FHOD3: variants seen among roughly 807,000 people sequenced by gnomAD.
The protein encoded by FHOD3 is formin homology 2 domain containing 3.
In FHOD3, 90 loss-of-function variants were observed where a neutral mutation model predicts 173.0. That is an observed-to-expected ratio of 0.52 (90% CI 0.44 to 0.62). The LOEUF (loss-of-function observed/expected upper bound fraction) is 0.62, where lower values mean the gene tolerates loss of function less well. Ranked by LOEUF, FHOD3 falls within the 20% of genes least tolerant of loss-of-function variation. The probability of loss-of-function intolerance (pLI) is 0.00; values close to 1 mark genes in which losing one functional copy is unlikely to be tolerated. For synonymous variants in FHOD3, 828 were observed against 823.0 expected, an observed-to-expected ratio of 1.01 and a Z score of -0.10; for missense variants, 1,945 against 2,034.7, an observed-to-expected ratio of 0.96 and a Z score of 0.85.
At chr18:36,494,639 G>A (rs1234800098) in intron 3 of FHOD3, among the ~76,000 whole-genome samples, 2 of 152,170 alleles carry the variant, frequency 1.3e-5, no homozygotes, top group Non-Finnish European at 2.9e-5. Flanking sequence ...CTCCCCAGCT[G>A]CTGGAATCAG....
At chr18:36,620,399 G>A (rs1014324762) in intron 9 of FHOD3, among the ~76,000 whole-genome samples, 3 of 152,124 alleles carry the variant, frequency 2.0e-5, no homozygotes, top group African/African-American at 2.4e-5. Context: ...TTTCCCTAAG[G>A]CTCCTTGGCA....
chr18:36,728,759 G>A (rs1258996154), intron 19 of FHOD3, among the ~76,000 whole-genome samples: 2 of 152,238 alleles, frequency 1.3e-5, no homozygotes, highest in African/African-American at 2.4e-5. Context: ...CAGCAGAACA[G>A]TTTCTCTAGA....
chr18:36,325,170 A>T (rs2044605523), intron 1 of FHOD3, among the ~76,000 whole-genome samples: 1 of 151,488 alleles, frequency 6.6e-6, no homozygotes, highest in Non-Finnish European at 1.5e-5. Context: ...TTTGGAGAGG[A>T]GGGGGTTTTG....
chr18:36,512,368 T>C (rs2055703423), intron 4 of FHOD3, 70 bp from the exon 5 acceptor site: 2 of 1,168,850 alleles, frequency 1.7e-6, no homozygotes, highest in South Asian at 1.3e-5. Context: ...TACATAGTTT[T>C]AGCAGCACAG....
In FHOD3 at chr18:36,532,334, C is replaced by A. The variant is rs77276599; in HGVS notation, c.511+19791C>A. On this transcript the variant is annotated intron_variant, in intron 5 of 28. Coordinates refer to ENST00000590592, the MANE Select transcript of FHOD3 (RefSeq NM_001281740.3). Reference sequence around the variant, plus strand: ...TGTTTAGGAAACTCCAGGACCCATACGCTCCTCTTCCCTGGCCACTTCCCT... The same window carrying A: ...TGTTTAGGAAACTCCAGGACCCATAAGCTCCTCTTCCCTGGCCACTTCCCT... Among the ~76,000 whole-genome samples the A allele has an allele frequency of 5.9e-3, 901 of 152,272 alleles. 7 individuals carry two copies. Among genetic ancestry groups the A allele is most frequent in the African/African-American group, 0.021 (853 of 41,552 alleles).
chr18:36,752,126 G>A (rs2042426799), intron 24 of FHOD3, among the ~76,000 whole-genome samples: 1 of 152,140 alleles, frequency 6.6e-6, no homozygotes, highest in Non-Finnish European at 1.5e-5. Context: ...GATCTCGTGA[G>A]ATCTTACTCT....
At chr18:36,541,415 C>T (rs567304071) in intron 5 of FHOD3, among the ~76,000 whole-genome samples, 17 of 152,024 alleles carry the variant, frequency 1.1e-4, no homozygotes, top group African/African-American at 4.1e-4. Flanking sequence ...CCTGTCTCTA[C>T]AAAAAATAAA....
At chr18:36,359,982 G>T (rs1420040607) in intron 2 of FHOD3, among the ~76,000 whole-genome samples, 4 of 152,222 alleles carry the variant, frequency 2.6e-5, no homozygotes, top group African/African-American at 7.2e-5. Context: ...TTCTATGCAG[G>T]TCAGGTGCCC....
chr18:36,529,611 G>A (rs996306055), intron 5 of FHOD3, among the ~76,000 whole-genome samples: 4 of 152,030 alleles, frequency 2.6e-5, no homozygotes, highest in Admixed American at 6.6e-5. Flanking sequence ...TTGAGGTCAG[G>A]AGTTTGAGAC....
chr18:36,350,464 G>T (rs921693756), intron 1 of FHOD3, among the ~76,000 whole-genome samples: 3 of 152,170 alleles, frequency 2.0e-5, no homozygotes, highest in African/African-American at 7.2e-5. Flanking sequence ...ATGGCTCCTG[G>T]CTTTGTCTTA....
intron 5 of FHOD3, among the ~76,000 whole-genome samples, chr18:36,566,999 T>C (rs759550615): frequency 1.5e-4 from 23 of 152,252 alleles, no homozygotes; most frequent in Non-Finnish European, 2.9e-4. Flanking sequence ...GATGGATTTT[T>C]ACAACTTTCT....
At chr18:36,514,386 A>G (rs2055844262) in intron 5 of FHOD3, among the ~76,000 whole-genome samples, 2 of 152,160 alleles carry the variant, frequency 1.3e-5, no homozygotes, top group South Asian at 2.1e-4. Context: ...CTGTGTGTCT[A>G]AAGAGATGAG....
chr18:36,384,247 GT>G (rs1399777743), intron 3 of FHOD3, among the ~76,000 whole-genome samples: 1 of 152,062 alleles, frequency 6.6e-6, no homozygotes, highest in Non-Finnish European at 1.5e-5. Context: ...GGGCGTGGTG[GT>G]GGGCGCCTGT....
chr18:36,677,005 A>T (rs2037905041), intron 14 of FHOD3, among the ~76,000 whole-genome samples: 1 of 152,194 alleles, frequency 6.6e-6, no homozygotes, highest in Non-Finnish European at 1.5e-5. Flanking sequence ...ATTTTAATAT[A>T]TGCAAATTTA....
At chr18:36,647,159 T>C (rs1252945424) in intron 10 of FHOD3, among the ~76,000 whole-genome samples, 2 of 152,174 alleles carry the variant, frequency 1.3e-5, no homozygotes, top group Non-Finnish European at 2.9e-5. Flanking sequence ...GGAGAATCGC[T>C]TGACCCGGGA....
At chr18:36,660,092 A>AC (rs917763794) in intron 14 of FHOD3, among the ~76,000 whole-genome samples, 221 of 152,110 alleles carry the variant, frequency 1.5e-3, no homozygotes, top group African/African-American at 5.1e-3. Flanking sequence ...AACATGGTGA[A>AC]CCCCCGTCTC....
intron 17 of FHOD3, among the ~76,000 whole-genome samples, chr18:36,700,294 C>A (rs1448423330): frequency 6.6e-6 from 1 of 152,120 alleles, no homozygotes; most frequent in Admixed American, 6.5e-5. Flanking sequence ...CCACTAAATG[C>A]CCCTCCAACT....
chr18:36,555,230 T>C (rs2057827627), intron 5 of FHOD3, among the ~76,000 whole-genome samples: 1 of 152,176 alleles, frequency 6.6e-6, no homozygotes, highest in Non-Finnish European at 1.5e-5. Context: ...TGATATATTG[T>C]ATTTTCATTT....
intron 3 of FHOD3, among the ~76,000 whole-genome samples, chr18:36,391,604 C>T (rs781176739): frequency 4.5e-4 from 69 of 152,152 alleles, no homozygotes; most frequent in Non-Finnish European, 8.8e-4. Context: ...ACATGCCTGG[C>T]TGAGCCCTGG....
Sources: allele counts gnomAD v4.1 joint callset (sites outside exome capture counted in the v4.1 genomes callset), GRCh38; gene constraint gnomAD v4.1.1; transcripts MANE v1.5; gene names NCBI Gene and HGNC (gene_info 2026-07-23, HGNC 2026-07-21).